The following MCM2 variants were observed in gnomAD, a reference collection of about 807,000 sequenced individuals.
MCM2 encodes minichromosome maintenance complex component 2.
MCM2 carries 49 observed loss-of-function variants against 86.4 expected under a neutral mutation model. The observed-to-expected ratio is 0.57, with a 90% CI of 0.45 to 0.72. The LOEUF (loss-of-function observed/expected upper bound fraction) is 0.72, where lower values mean the gene tolerates loss of function less well. Ranked by LOEUF, MCM2 falls within the 30% of genes least tolerant of loss-of-function variation. The pLI is 0.00. For missense variants in MCM2, 1,038 were observed against 1,259.9 expected, an observed-to-expected ratio of 0.82 and a Z score of 2.67; for synonymous variants, 475 against 484.6, an observed-to-expected ratio of 0.98 and a Z score of 0.26.
rs182677955 is a variant in MCM2, at chr3:127,616,998, G to A, written c.1653G>A (p.Ala551=). 6.3e-5 allele frequency: 101 copies of A among 1,614,194 alleles called. No individual in the cohort carries two copies. The African/African-American group carries it at 1.0e-3, about 16-fold the overall frequency. The change falls in exon 10 of 16, where the codon GCG becomes GCA. Residue 551 remains alanine, a synonymous_variant. Coordinates refer to ENST00000265056, the MANE Select transcript of MCM2 (RefSeq NM_004526.4). ...SRAIFTTGQG[A]SAVGLTAYVQ... ...CCATCTTCACCACTGGCCAGGGGGC[G>A]TCGGCTGTGGGCCTCACGGCGTATG...
Position 127,606,470 on chromosome 3 carries a change from G to A in MCM2, c.893+133G>A. ...GCATCCTCATCGCAGGTGAGTTGTG[G>A]TTGCACAGGAGTGTGATGGGAGGGA... is the stretch of plus-strand genomic sequence containing the variant. On this transcript the variant is annotated intron_variant, in intron 5 of 15. Coordinates refer to ENST00000265056, the MANE Select transcript of MCM2 (RefSeq NM_004526.4). This position sits in a 1 kb window ranked among gnomAD's most constrained non-coding sequence, Gnocchi z 4.2. 2 of 1,178,914 alleles carry A rather than the reference G, an allele frequency of 1.7e-6. No homozygotes were observed. The highest frequency in any genetic ancestry group is 1.5e-5 in the African/African-American group (1 of 66,192). The allele number at this position is 1,178,914 out of a possible 1,614,324, so 73.0% of individuals were successfully genotyped here.
Position 127,608,484 on chromosome 3 carries a change from C to A in MCM2, c.1204C>A (p.Leu402Met), listed in dbSNP as rs1305943403. ...RSKDAILLAD[L>M]VDSCKPGDEI... ...CAAGGACGCCATTCTCCTCGCAGAT[C>A]TGGTGGACAGCTGCAAGCCAGGAGA... Residue 402 changes from leucine to methionine, a missense_variant, in exon 7 of 16, where the codon CTG becomes ATG. Leu to Met is a conservative substitution (Grantham distance 15). Transcript: ENST00000265056. 1 of 1,614,086 alleles carries A rather than the reference C, an allele frequency of 6.2e-7. No individual in the cohort carries two copies. Among genetic ancestry groups the A allele is most frequent in the Non-Finnish European group, 8.5e-7 (1 of 1,180,048 alleles).
chr3:127,611,937 G>T (rs1424517678), intron 8 of MCM2, among the ~76,000 whole-genome samples: 1 of 144,322 alleles, frequency 6.9e-6, no homozygotes. Flanking sequence ...CTGACCTCGT[G>T]ATCCGCCCGC....
intron 8 of MCM2, 93 bp downstream of exon 8, chr3:127,609,116 C>G: frequency 1.5e-6 from 2 of 1,326,970 alleles, no homozygotes; most frequent in Non-Finnish European, 2.1e-6. Flanking sequence ...GCTCACTGCT[C>G]AAACCTTGCC....
chr3:127,621,117 G>A lies in MCM2; in HGVS notation c.2493G>A (p.Leu831=), dbSNP rs1445042588. The change falls in exon 15 of 16, where the codon CTG becomes CTA. Residue 831 remains leucine, a synonymous_variant. Transcript: ENST00000265056. The part of the protein sequence containing the change: ...YLSFRRDNNE[L]LLFILKQLVA... ...CATTCCGGCGTGACAACAATGAGCTGTTGCTCTTCATACTGAAGCAGTTAG... is the reference window on the plus strand; with the variant it reads ...CATTCCGGCGTGACAACAATGAGCTATTGCTCTTCATACTGAAGCAGTTAG... 3 of 1,614,130 alleles carry A rather than the reference G, an allele frequency of 1.9e-6. No individual in the cohort carries two copies. Among genetic ancestry groups the A allele is most frequent in the African/African-American group, 2.7e-5 (2 of 74,934 alleles).
At chr3:127,610,694 G>A (rs1225774854) in intron 8 of MCM2, 2 of 437,938 alleles carry the variant, frequency 4.6e-6, no homozygotes, top group Admixed American at 2.4e-5. Flanking sequence ...CATCCACCGT[G>A]AGAAGCTGCT....
In MCM2 at chr3:127,608,424, C is replaced by G. The variant is rs771959565; in HGVS notation, c.1144C>G (p.Pro382Ala). ...CCAGCGTATCCGAATCCAGGAGAGT[C>G]CAGGCAAAGTGGCGGCTGGCCGGCT... ...NYQRIRIQES[P>A]GKVAAGRLPR... The change falls in exon 7 of 16, where the codon CCA becomes GCA. Residue 382 changes from proline (P) to alanine (A), a missense_variant. Pro to Ala is a conservative substitution (Grantham distance 27). Around this residue, in one of 4 missense-constraint regions of MCM2, gnomAD observed 399 missense variants for 507.2 expected, o/e 0.79. Transcript: ENST00000265056. 3.7e-6 allele frequency: 6 copies of G among 1,614,244 alleles called. 1 individual carries two copies. In the Middle Eastern group the frequency reaches 8.2e-4, roughly 222 times the overall value.
Position 127,617,349 on chromosome 3 carries a change from G to A in MCM2, c.1844G>A (p.Gly615Asp). 6.2e-7 allele frequency: 1 copy of A among 1,614,100 alleles called. No homozygotes were observed. Among genetic ancestry groups the A allele is most frequent in the Middle Eastern group, 1.7e-4 (1 of 6,060 alleles). ...EQQSISISKAGIVTSLQARCT... is the reference protein window; with the variant it reads ...EQQSISISKADIVTSLQARCT... ...CAGAGCATCTCCATCTCGAAGGCTGGCATCGTCACCTCCCTGCAGGCTCGC... is the reference window on the plus strand; with the variant it reads ...CAGAGCATCTCCATCTCGAAGGCTGACATCGTCACCTCCCTGCAGGCTCGC... The change falls in exon 11 of 16, where the codon GGC becomes GAC. Residue 615 changes from glycine (G) to aspartate (D), a missense_variant. Coordinates refer to ENST00000265056, the MANE Select transcript of MCM2 (RefSeq NM_004526.4). This position sits in a 1 kb window ranked among gnomAD's most constrained non-coding sequence, Gnocchi z 4.1.
intron 8 of MCM2, among the ~76,000 whole-genome samples, chr3:127,609,919 A>G (rs1002020820): frequency 5.3e-5 from 7 of 132,266 alleles, no homozygotes; most frequent in Non-Finnish European, 6.1e-5. Flanking sequence ...ATCTCAGCTC[A>G]CTACAGCCTC....
At chr3:127,601,470 C>G (rs1467819342) in intron 2 of MCM2, among the ~76,000 whole-genome samples, 2 of 152,186 alleles carry the variant, frequency 1.3e-5, no homozygotes, top group African/African-American at 4.8e-5. Context: ...AAGCAATTCT[C>G]CTGCCTCAGC....
chr3:127,605,492 G>A (rs1054029033), intron 4 of MCM2, among the ~76,000 whole-genome samples: 2 of 142,562 alleles, frequency 1.4e-5, no homozygotes, highest in African/African-American at 2.7e-5. Flanking sequence ...CCAGGCTGGA[G>A]TGCAATGGCA....
intron 9 of MCM2, 87 bp from the exon 10 acceptor site, chr3:127,616,781 G>A: frequency 7.0e-7 from 1 of 1,427,166 alleles, no homozygotes. Context: ...TAACAAGTAG[G>A]TTGAGGAATT....
In MCM2 at chr3:127,617,531, C is replaced by G; in HGVS notation, c.1900+126C>G. The G allele has an allele frequency of 8.1e-7, 1 of 1,229,322 alleles. No individual in the cohort carries two copies. The highest frequency in any genetic ancestry group is 1.6e-5 in the South Asian group (1 of 64,400). 76.2% of individuals were successfully genotyped at this position (1,229,322 alleles called of 1,614,324 possible). ...AAGTCATTGTGCAGCAGAGGGTTCCCCTCTTCTGCATATCCTGCCAGAGTG... is the reference window on the plus strand; with the variant it reads ...AAGTCATTGTGCAGCAGAGGGTTCCGCTCTTCTGCATATCCTGCCAGAGTG... On this transcript the variant is annotated intron_variant, in intron 11 of 15. Transcript: ENST00000265056. The surrounding 1 kb of genome is among the most constrained non-coding windows in gnomAD (Gnocchi z 4.1).
chr3:127,606,040 C>T lies in MCM2; in HGVS notation c.674-78C>T. On this transcript the variant is annotated intron_variant, in intron 4 of 15. Coordinates refer to ENST00000265056, the MANE Select transcript of MCM2 (RefSeq NM_004526.4). This position sits in a 1 kb window ranked among gnomAD's most constrained non-coding sequence, Gnocchi z 4.2. ...CAATGGTCGGGGTGGGTAGGCCTTGCTTCTCACACAGGCATTGTTGCAGCC... is the reference window on the plus strand; with the variant it reads ...CAATGGTCGGGGTGGGTAGGCCTTGTTTCTCACACAGGCATTGTTGCAGCC... 1.7e-6 allele frequency: 2 copies of T among 1,155,116 alleles called. No homozygotes were observed. Among genetic ancestry groups the T allele is most frequent in the South Asian group, 2.6e-5 (2 of 76,942 alleles). The allele number at this position is 1,155,116 out of a possible 1,614,324, so 71.6% of individuals were successfully genotyped here. A position where few individuals can be genotyped will look rare whatever the true frequency, so the allele number is the denominator to read the frequency against.
Position 127,608,409 on chromosome 3 carries a change from C to T in MCM2, c.1129C>T (p.Arg377Ter), listed in dbSNP as rs1187605794. ...CATCTATCAGAACTACCAGCGTATC[C>T]GAATCCAGGAGAGTCCAGGCAAAGT... ...ETIYQNYQRI[R>*]IQESPGKVAA... The change falls in exon 7 of 16, where the codon CGA becomes TGA. Residue 377 changes from arginine (R) to a stop codon, truncating the protein, a stop_gained. Coordinates refer to ENST00000265056, the MANE Select transcript of MCM2 (RefSeq NM_004526.4). LOFTEE classifies it high-confidence loss of function. The T allele has an allele frequency of 1.2e-6, 2 of 1,614,238 alleles. No homozygotes were observed. Among genetic ancestry groups the T allele is most frequent in the Non-Finnish European group, 1.7e-6 (2 of 1,180,040 alleles).
rs1430580053 is a variant in MCM2, at chr3:127,599,494, G to A, written c.183G>A (p.Gly61=). The A allele has an allele frequency of 2.5e-5, 40 of 1,614,008 alleles. No homozygotes were observed. Among genetic ancestry groups the A allele is most frequent in the Non-Finnish European group, 2.9e-5 (34 of 1,179,998 alleles). The part of the protein sequence containing the change: ...DESEGLLGTE[G]PLEEEEDGEE... ...CCGAGGGGCTCCTAGGCACAGAGGGGCCCCTGGAGGAAGAAGAGGATGGAG... is the reference window on the plus strand; with the variant it reads ...CCGAGGGGCTCCTAGGCACAGAGGGACCCCTGGAGGAAGAAGAGGATGGAG... The change falls in exon 2 of 16, where the codon GGG becomes GGA. Residue 61 remains glycine, a synonymous_variant. Coordinates refer to ENST00000265056, the MANE Select transcript of MCM2 (RefSeq NM_004526.4).
chr3:127,605,147 A>G lies in MCM2; in HGVS notation c.664A>G (p.Met222Val), dbSNP rs762558936. Residue 222 changes from methionine (M) to valine (V), a missense_variant, in exon 4 of 16, where the codon ATG becomes GTG. Met to Val is a conservative substitution (Grantham distance 21). Transcript: ENST00000265056. ...HNVFKERISD[M>V]CKENRESLVV... ...CGTCTTCAAGGAGCGCATCAGCGAC[A>G]TGTGCAAAGGTGTGGCTTCCCTACG... The G allele has an allele frequency of 1.9e-6, 3 of 1,613,950 alleles. No individual in the cohort carries two copies. Among genetic ancestry groups the G allele is most frequent in the East Asian group, 2.2e-5 (1 of 44,870 alleles).
intron 4 of MCM2, among the ~76,000 whole-genome samples, chr3:127,605,656 T>C (rs17496923): frequency 6.6e-6 from 1 of 152,010 alleles, no homozygotes; most frequent in East Asian, 1.9e-4. Flanking sequence ...GTCAGACTGG[T>C]CTCAAACTCC....
chr3:127,606,104 G>A lies in MCM2; in HGVS notation c.674-14G>A. On this transcript the variant is annotated splice_polypyrimidine_tract_variant and intron_variant, in intron 4 of 15. Coordinates refer to ENST00000265056, the MANE Select transcript of MCM2 (RefSeq NM_004526.4). This position sits in a 1 kb window ranked among gnomAD's most constrained non-coding sequence, Gnocchi z 4.2. The stretch of plus-strand genomic sequence containing the variant: ...ATGCTTAGTTAACTCTCTTCCCACT[G>A]TGCCCCCTTCTAGAGAACCGTGAGA... 6.2e-7 allele frequency: 1 copy of A among 1,607,502 alleles called. No homozygotes were observed. Among genetic ancestry groups the A allele is most frequent in the Non-Finnish European group, 8.5e-7 (1 of 1,174,074 alleles).
Sources: allele counts gnomAD v4.1 joint callset (sites outside exome capture counted in the v4.1 genomes callset), GRCh38; gene constraint gnomAD v4.1.1; regional missense constraint gnomAD v4.1.1; non-coding constraint Gnocchi (gnomAD v3.1); transcripts MANE v1.5; gene names NCBI Gene and HGNC (gene_info 2026-07-23, HGNC 2026-07-21).